Variants in CERS3 observed in about 807,000 individuals in gnomAD.
The protein encoded by CERS3 is LAG1 homolog, ceramide synthase 3.
Under a neutral mutation model 50.3 loss-of-function variants are expected in CERS3, and 33 were observed. The observed-to-expected ratio is 0.66, with a 90% CI of 0.50 to 0.88. The LOEUF is 0.88. Ranked by LOEUF, CERS3 falls within the 40% of genes least tolerant of loss-of-function variation. The pLI, the probability that CERS3 is intolerant of heterozygous loss-of-function variation, is 0.00. For synonymous variants in CERS3, 176 were observed against 155.2 expected (o/e 1.13, Z -0.99); for missense variants, 470 against 460.3 (o/e 1.02, Z -0.19).
intron 5 of CERS3, among the ~76,000 whole-genome samples, chr15:100,483,787 A>ATTATTATTATTATTTTTTTTTTTT (rs760594142): frequency 1.0e-5 from 1 of 100,040 alleles, no homozygotes; most frequent in Non-Finnish European, 1.9e-5. Flanking sequence ...TATTATTATT[A>ATTATTATTATTATTTTTTTTTTTT]TTTTTTTTTT....
rs1267906519 is a variant in CERS3, at chr15:100,483,781, A to ATTTTTTT, written c.407+768_407+769insAAAAAAA. On this transcript the variant is annotated intron_variant, in intron 5 of 11. Transcript: ENST00000679737. ...AGGATCAATAATAATAATAATTATTATTATTATTTTTTTTTTTGAGACAGA... is the reference window on the plus strand; with the variant it reads ...AGGATCAATAATAATAATAATTATTATTTTTTTTTATTATTTTTTTTTTTGAGACAGA... Among the ~76,000 whole-genome samples, 50 of 77,606 alleles carry ATTTTTTT rather than the reference A, an allele frequency of 6.4e-4. 3 individuals carry two copies. The highest frequency in any genetic ancestry group is 3.6e-3 in the East Asian group (10 of 2,774). The allele number at this position is 77,606 out of a possible 152,430, so 50.9% of individuals were successfully genotyped here. A position where few individuals can be genotyped will look rare whatever the true frequency, so the allele number is the denominator to read the frequency against.
intron 2 of CERS3, among the ~76,000 whole-genome samples, chr15:100,507,317 T>C (rs2036214237): frequency 6.6e-6 from 1 of 152,146 alleles, no homozygotes; most frequent in South Asian, 2.1e-4. Context: ...AAGCCAATAT[T>C]TCAGCTCTAG....
chr15:100,419,736 C>G (rs1207141962), intron 11 of CERS3, among the ~76,000 whole-genome samples: 1 of 151,240 alleles, frequency 6.6e-6, no homozygotes, highest in Non-Finnish European at 1.5e-5. Flanking sequence ...AACTATCTCT[C>G]AGACCACAGT....
At chr15:100,476,563 A>G (rs1480673125) in intron 7 of CERS3, among the ~76,000 whole-genome samples, 6 of 152,322 alleles carry the variant, frequency 3.9e-5, no homozygotes, top group Admixed American at 3.9e-4. Context: ...TTTCTTGAAT[A>G]TTACTCAAAA....
intron 11 of CERS3, chr15:100,437,764 T>G (rs1228189802): frequency 6.6e-6 from 1 of 152,124 alleles, no homozygotes; most frequent in Non-Finnish European, 1.5e-5. Flanking sequence ...AATATCATGA[T>G]CCCCATTTTA....
At chr15:100,486,408 G>A (rs1319200176) in intron 4 of CERS3, among the ~76,000 whole-genome samples, 1 of 152,202 alleles carries the variant, frequency 6.6e-6, no homozygotes, top group Non-Finnish European at 1.5e-5. Context: ...TGGAAAATGG[G>A]ATATTAAGAG....
intron 2 of CERS3, among the ~76,000 whole-genome samples, chr15:100,509,507 C>G (rs1269649418): frequency 6.6e-6 from 1 of 152,176 alleles, no homozygotes; most frequent in Non-Finnish European, 1.5e-5. Flanking sequence ...CTCAGACAGA[C>G]AGCAGGAACA....
At chr15:100,476,279 A>C in intron 7 of CERS3, 101 bp from the exon 8 acceptor site, 1 of 584,214 alleles carries the variant, frequency 1.7e-6, no homozygotes, top group Non-Finnish European at 3.0e-6. Context: ...ATCCCACCAG[A>C]TTCCATAAAA....
intron 2 of CERS3, among the ~76,000 whole-genome samples, chr15:100,511,446 T>C (rs1157946107): frequency 2.0e-5 from 3 of 152,000 alleles, no homozygotes; most frequent in Admixed American, 6.6e-5. Flanking sequence ...CATAAGTCCA[T>C]TGGGAGCCTG....
chr15:100,540,519 G>A (rs2037176108), intron 1 of CERS3, among the ~76,000 whole-genome samples: 1 of 152,190 alleles, frequency 6.6e-6, no homozygotes, highest in Non-Finnish European at 1.5e-5. Context: ...ACTCCAGCCT[G>A]GGTGACAGAG....
chr15:100,405,201 A>G (rs113888557), intron 11 of CERS3, among the ~76,000 whole-genome samples: 2 of 150,060 alleles, frequency 1.3e-5, no homozygotes, highest in Non-Finnish European at 3.0e-5. Context: ...TCCAATTTGT[A>G]TGCATAATAA....
intron 2 of CERS3, among the ~76,000 whole-genome samples, chr15:100,518,678 T>G (rs1409269213): frequency 1.3e-5 from 2 of 152,210 alleles, no homozygotes; most frequent in Non-Finnish European, 2.9e-5. Flanking sequence ...GACGATACTG[T>G]GCTAACATAC....
chr15:100,447,564 CAG>C (rs2033990592), intron 11 of CERS3, among the ~76,000 whole-genome samples: 1 of 152,216 alleles, frequency 6.6e-6, no homozygotes, highest in African/African-American at 2.4e-5. Flanking sequence ...AAATATTTTA[CAG>C]AGTTTGACTC....
intron 10 of CERS3, among the ~76,000 whole-genome samples, chr15:100,466,649 G>T (rs2034726373): frequency 1.0e-5 from 1 of 98,680 alleles, no homozygotes; most frequent in African/African-American, 3.0e-5. Context: ...AGGGGCTGTG[G>T]GTATTCCAGC....
chr15:100,475,990 A>C lies in CERS3; in HGVS notation c.609+96T>G, dbSNP rs2035115616. The C allele has an allele frequency of 8.0e-6, 6 of 747,854 alleles. No individual in the cohort carries two copies. The South Asian group carries it at 8.2e-5, about 10-fold the overall frequency. 46.3% of individuals were successfully genotyped at this position (747,854 alleles called of 1,614,324 possible). On this transcript the variant is annotated intron_variant, in intron 8 of 11. Coordinates refer to ENST00000679737, the MANE Select transcript of CERS3 (RefSeq NM_001378789.1). ...CAAAAGCAATGAACTGGACCCAAAA[A>C]CACAGAAAAATACAACTTAAAGATT...
chr15:100,496,371 T>C (rs890459404), intron 3 of CERS3, among the ~76,000 whole-genome samples: 2 of 152,092 alleles, frequency 1.3e-5, no homozygotes, highest in Non-Finnish European at 2.9e-5. Flanking sequence ...ACCACTGATA[T>C]ACATAACATG....
intron 11 of CERS3, among the ~76,000 whole-genome samples, chr15:100,414,990 T>C (rs536108881): frequency 2.0e-5 from 3 of 152,008 alleles, no homozygotes; most frequent in African/African-American, 7.2e-5. Context: ...TAACGAGAGT[T>C]AACAGGCAAC....
intron 11 of CERS3, among the ~76,000 whole-genome samples, chr15:100,415,984 C>T (rs1354633955): frequency 2.6e-5 from 4 of 151,888 alleles, no homozygotes; most frequent in Non-Finnish European, 2.9e-5. Flanking sequence ...AAAAAAATCA[C>T]AGATGACAAA....
chr15:100,509,442 T>A (rs1208404205), intron 2 of CERS3, among the ~76,000 whole-genome samples: 1 of 152,118 alleles, frequency 6.6e-6, no homozygotes, highest in East Asian at 1.9e-4. Context: ...ACAGAACATA[T>A]CTCTCAGATA....
Sources: allele counts gnomAD v4.1 joint callset (sites outside exome capture counted in the v4.1 genomes callset), GRCh38; gene constraint gnomAD v4.1.1; transcripts MANE v1.5; gene names NCBI Gene and HGNC (gene_info 2026-07-23, HGNC 2026-07-21).